HMGN3: variants seen among roughly 807,000 people sequenced by gnomAD.
HMGN3 encodes high mobility group nucleosome-binding domain-containing protein 3.
HMGN3 carries 6 observed loss-of-function variants against 18.8 expected under a neutral mutation model. The ratio of observed to expected loss-of-function variants is 0.32; its 90% CI spans 0.18 to 0.63. The LOEUF is 0.63. Ranked by LOEUF, HMGN3 falls within the 30% of genes least tolerant of loss-of-function variation. HMGN3 has a pLI of 0.79. For synonymous variants in HMGN3, 40 were observed against 36.5 expected (o/e 1.10, Z -0.35); for missense variants, 107 against 114.2 (o/e 0.94, Z 0.29).
intron 2 of HMGN3, among the ~76,000 whole-genome samples, chr6:79,211,340 G>T (rs1285800873): frequency 6.6e-6 from 1 of 151,928 alleles, no homozygotes; most frequent in Non-Finnish European, 1.5e-5. Context: ...ATATTTATTG[G>T]ATATGAAATA....
intron 1 of HMGN3, among the ~76,000 whole-genome samples, chr6:79,217,184 C>T (rs1777033076): frequency 1.3e-5 from 2 of 152,214 alleles, no homozygotes; most frequent in South Asian, 4.1e-4. Context: ...ATGTAAAGAG[C>T]TAGCAAAGCT....
chr6:79,207,387 G>A (rs1237125620), intron 3 of HMGN3, among the ~76,000 whole-genome samples: 1 of 152,136 alleles, frequency 6.6e-6, no homozygotes, highest in Non-Finnish European at 1.5e-5. Flanking sequence ...GAATGAGTCT[G>A]GTGAGATCTG....
intron 2 of HMGN3, 26 bp downstream of exon 2, chr6:79,214,946 A>T: frequency 8.0e-7 from 1 of 1,243,610 alleles, no homozygotes; most frequent in Non-Finnish European, 1.2e-6. Context: ...AAATAATTAA[A>T]TATAGGATGT....
chr6:79,205,250 G>A (rs1174460905), intron 3 of HMGN3, among the ~76,000 whole-genome samples: 4 of 152,164 alleles, frequency 2.6e-5, no homozygotes, highest in African/African-American at 9.7e-5. Flanking sequence ...AGTCCTCCTA[G>A]TGACTGACAC....
At chr6:79,216,725 G>C (rs758296345) in intron 1 of HMGN3, among the ~76,000 whole-genome samples, 5 of 152,188 alleles carry the variant, frequency 3.3e-5, no homozygotes, top group Non-Finnish European at 4.4e-5. Flanking sequence ...AGTTGTGGTA[G>C]AGATGGCAAA....
intron 1 of HMGN3, among the ~76,000 whole-genome samples, chr6:79,229,591 T>C (rs779444329): frequency 5.3e-5 from 8 of 152,168 alleles, no homozygotes; most frequent in East Asian, 1.9e-4. Flanking sequence ...ACGTTAAACA[T>C]AGACGGCCGG....
chr6:79,203,143 T>C (rs1257890833), intron 4 of HMGN3, among the ~76,000 whole-genome samples: 1 of 152,178 alleles, frequency 6.6e-6, no homozygotes, highest in African/African-American at 2.4e-5. Flanking sequence ...ATAAGGGCCT[T>C]ATAAATGCCA....
chr6:79,203,635 A>G lies in HMGN3; in HGVS notation c.97-5T>C. ...AGGTTTTGGTGGAGCAGGTTTCTGC[A>G]AAGATAATTTAAATTACACAAATAC... On this transcript the variant is annotated splice_polypyrimidine_tract_variant and splice_region_variant and intron_variant, in intron 3 of 5. Coordinates refer to ENST00000344726, the Ensembl canonical transcript of HMGN3. The G allele has an allele frequency of 1.2e-6, 2 of 1,605,972 alleles. No individual in the cohort carries two copies. The highest frequency in any genetic ancestry group is 1.7e-6 in the Non-Finnish European group (2 of 1,176,260).
intron 3 of HMGN3, among the ~76,000 whole-genome samples, chr6:79,205,507 C>T (rs151297623): frequency 1.0e-3 from 158 of 152,364 alleles, no homozygotes; most frequent in Middle Eastern, 0.01. Flanking sequence ...ACATAATTTG[C>T]TCCTTTTGTC....
At chr6:79,228,190 A>T (rs563745634) in intron 1 of HMGN3, among the ~76,000 whole-genome samples, 11 of 152,302 alleles carry the variant, frequency 7.2e-5, no homozygotes, top group Admixed American at 3.3e-4. Context: ...TGAATTATAA[A>T]TACTTGTTTA....
intron 1 of HMGN3, among the ~76,000 whole-genome samples, chr6:79,231,691 T>G (rs1371046021): frequency 6.6e-6 from 1 of 152,190 alleles, no homozygotes; most frequent in African/African-American, 2.4e-5. Flanking sequence ...GGAGACACAC[T>G]TGAATACCTG....
intron 2 of HMGN3, among the ~76,000 whole-genome samples, chr6:79,209,656 T>C (rs947009781): frequency 3.9e-5 from 6 of 152,140 alleles, no homozygotes; most frequent in African/African-American, 7.2e-5. Context: ...ACAGCAAAAA[T>C]GGTCAGTAGG....
intron 1 of HMGN3, among the ~76,000 whole-genome samples, chr6:79,223,298 T>C (rs1039760184): frequency 6.6e-6 from 1 of 152,050 alleles, no homozygotes; most frequent in Non-Finnish European, 1.5e-5. Context: ...GATCATGAGG[T>C]CGGGAGATGG....
chr6:79,215,774 C>A (rs773323321), intron 1 of HMGN3, among the ~76,000 whole-genome samples: 1 of 152,156 alleles, frequency 6.6e-6, no homozygotes, highest in Non-Finnish European at 1.5e-5. Context: ...ATTTATTGGA[C>A]ACTGCACATG....
At chr6:79,214,813 G>C (rs1358852727) in intron 2 of HMGN3, among the ~76,000 whole-genome samples, 159 bp downstream of exon 2, 1 of 152,174 alleles carries the variant, frequency 6.6e-6, no homozygotes, top group Non-Finnish European at 1.5e-5. Flanking sequence ...ACTACATATA[G>C]ACACTTATCG....
intron 1 of HMGN3, among the ~76,000 whole-genome samples, chr6:79,227,271 A>G (rs1414282): frequency 0.98 from 149,452 of 152,230 alleles, 73,409 homozygotes; most frequent in East Asian, 1. Flanking sequence ...TTTTTTTTCC[A>G]TTAGAAAAAT....
intron 2 of HMGN3, among the ~76,000 whole-genome samples, chr6:79,209,571 T>C (rs991236619): frequency 5.9e-5 from 9 of 152,228 alleles, no homozygotes; most frequent in African/African-American, 1.9e-4. Context: ...AGCCTTTCCC[T>C]AATTCTCACT....
At chr6:79,216,165 G>A (rs1776972106) in intron 1 of HMGN3, among the ~76,000 whole-genome samples, 1 of 152,042 alleles carries the variant, frequency 6.6e-6, no homozygotes, top group Admixed American at 6.5e-5. Flanking sequence ...TGATGACCTA[G>A]TAATTTTAAT....
At chr6:79,228,993 A>T (rs1452733001) in intron 1 of HMGN3, among the ~76,000 whole-genome samples, 1 of 152,252 alleles carries the variant, frequency 6.6e-6, no homozygotes, top group Non-Finnish European at 1.5e-5. Context: ...CAGTAGAGAA[A>T]GGATGGTCTT....
Sources: allele counts gnomAD v4.1 joint callset (sites outside exome capture counted in the v4.1 genomes callset), GRCh38; gene constraint gnomAD v4.1.1; transcripts MANE v1.5; gene names NCBI Gene and HGNC (gene_info 2026-07-23, HGNC 2026-07-21).